Variants in CACNA1A observed in about 807,000 individuals in gnomAD.
The protein encoded by CACNA1A is calcium voltage-gated channel subunit alpha1 A.
In CACNA1A, 57 loss-of-function variants were observed where a neutral mutation model predicts 262.4. That is an observed-to-expected ratio of 0.22 (90% CI 0.18 to 0.27). CACNA1A has a LOEUF of 0.27. CACNA1A is among the 10% of genes least tolerant of loss of function. The pLI is 1.00. For synonymous variants in CACNA1A, 1,431 were observed against 1,419.3 expected, an observed-to-expected ratio of 1.01 and a Z score of -0.18; for missense variants, 2,526 against 3,562.8, an observed-to-expected ratio of 0.71 and a Z score of 7.41.
intron 10 of CACNA1A, 71 bp downstream of exon 10, chr19:13,330,173 G>GC: frequency 8.9e-7 from 1 of 1,117,620 alleles, no homozygotes; most frequent in Non-Finnish European, 1.3e-6. Context: ...CAAGCCCTCT[G>GC]CCCCCACCCC....
At chr19:13,395,738 A>G (rs1241570681) in intron 3 of CACNA1A, among the ~76,000 whole-genome samples, 1 of 151,700 alleles carries the variant, frequency 6.6e-6, no homozygotes, top group Non-Finnish European at 1.5e-5. Flanking sequence ...AGAGACCAAG[A>G]AGAATCAAGA....
At chr19:13,265,584 G>A (rs1250483418) in intron 24 of CACNA1A, among the ~76,000 whole-genome samples, 1 of 152,176 alleles carries the variant, frequency 6.6e-6, no homozygotes, top group African/African-American at 2.4e-5. Flanking sequence ...GACAGTCACT[G>A]AGATAATTTT....
intron 24 of CACNA1A, among the ~76,000 whole-genome samples, chr19:13,269,074 G>T: frequency 6.6e-6 from 1 of 152,002 alleles, no homozygotes; most frequent in African/African-American, 2.4e-5. Flanking sequence ...ATAGCTTACC[G>T]CAGCCTTGAA....
intron 34 of CACNA1A, among the ~76,000 whole-genome samples, chr19:13,234,545 C>G (rs2144644140): frequency 6.6e-6 from 1 of 152,088 alleles, no homozygotes; most frequent in South Asian, 2.1e-4. Flanking sequence ...AGAGATAATG[C>G]CTGGAAAATG....
intron 3 of CACNA1A, among the ~76,000 whole-genome samples, chr19:13,399,199 GTAT>G (rs887408170): frequency 9.2e-5 from 14 of 152,166 alleles, no homozygotes; most frequent in African/African-American, 2.4e-4. Flanking sequence ...CTTTTTTCAA[GTAT>G]TATTATTATC....
In CACNA1A at chr19:13,299,281, C is replaced by G. The variant is rs2144958118; in HGVS notation, c.2352G>C (p.Gln784His). 1 of 1,604,542 alleles carries G rather than the reference C, an allele frequency of 6.2e-7. No individual in the cohort carries two copies. The highest frequency in any genetic ancestry group is 8.5e-7 in the Non-Finnish European group (1 of 1,179,858). Reference sequence around the variant, plus strand: ...GGGCCTCCCGGCTGGCCAGCAAGTTCTGCTTTCGCATCTCACTGGTCCGCT... The same window carrying G: ...GGGCCTCCCGGCTGGCCAGCAAGTTGTGCTTTCGCATCTCACTGGTCCGCT... ...WEQRTSEMRK[Q>H]NLLASREALY... Residue 784 changes from glutamine to histidine, a missense_variant, in exon 19 of 47, where the codon CAG (glutamine) becomes CAC (histidine). Physicochemically the swap from Gln to His is conservative, Grantham distance 24 (BLOSUM62 0). This residue lies in a region of CACNA1A where 765 missense variants were observed against 748.6 expected (regional missense o/e 1.02). Transcript: ENST00000360228.
At chr19:13,211,884 C>G (rs1180542355) in intron 43 of CACNA1A, 5 of 536,478 alleles carry the variant, frequency 9.3e-6, no homozygotes, top group African/African-American at 5.7e-5. Flanking sequence ...AGGGGGAGCA[C>G]TTTCCTCTCT....
chr19:13,269,285 T>C (rs1449332800), intron 24 of CACNA1A, among the ~76,000 whole-genome samples: 1 of 152,232 alleles, frequency 6.6e-6, no homozygotes, highest in Non-Finnish European at 1.5e-5. Context: ...AGCACCATTA[T>C]GACCATTTTC....
rs1257233383 is a variant in CACNA1A at position 13,308,345 on chromosome 19, T to C, written c.1781+71A>G. 6 of 1,550,670 alleles carry C rather than the reference T, an allele frequency of 3.9e-6. No homozygotes were observed. The highest frequency in any genetic ancestry group is 5.3e-6 in the Non-Finnish European group (6 of 1,142,638). On this transcript the variant is annotated intron_variant, in intron 13 of 46. Transcript: ENST00000360228. This position sits in a 1 kb window ranked among gnomAD's most constrained non-coding sequence, Gnocchi z 4.2. ...AACACGAGGCTCACTTTCCCAACTTTCTGGAGGCGGCCCCACCATGTCCCC... is the reference window on the plus strand; with the variant it reads ...AACACGAGGCTCACTTTCCCAACTTCCTGGAGGCGGCCCCACCATGTCCCC...
At chr19:13,382,586 G>C (rs1283183205) in intron 3 of CACNA1A, among the ~76,000 whole-genome samples, 1 of 152,194 alleles carries the variant, frequency 6.6e-6, no homozygotes, top group Non-Finnish European at 1.5e-5. Flanking sequence ...GCTGGGTCTT[G>C]TCCTGTGGAC....
chr19:13,491,995 C>G (rs908605103), intron 1 of CACNA1A, among the ~76,000 whole-genome samples: 1 of 152,140 alleles, frequency 6.6e-6, no homozygotes, highest in Non-Finnish European at 1.5e-5. Context: ...TGCTGCTTTC[C>G]TCACAACCAC....
intron 6 of CACNA1A, among the ~76,000 whole-genome samples, chr19:13,357,627 T>C (rs1394368240): frequency 2.6e-5 from 4 of 152,174 alleles, no homozygotes; most frequent in Middle Eastern, 3.2e-3. Context: ...ACTGCTTACC[T>C]GCATAGTAGG....
intron 3 of CACNA1A, among the ~76,000 whole-genome samples, chr19:13,403,031 T>C (rs1357655227): frequency 6.6e-6 from 1 of 151,138 alleles, no homozygotes; most frequent in African/African-American, 2.4e-5. Flanking sequence ...CTGACCACCC[T>C]ATTCAATGCT....
At chr19:13,467,584 G>A (rs1168375182) in intron 1 of CACNA1A, among the ~76,000 whole-genome samples, 1 of 151,408 alleles carries the variant, frequency 6.6e-6, no homozygotes, top group East Asian at 2.0e-4. Context: ...TGTCAGAGGG[G>A]ATGCACACTG....
chr19:13,212,855 C>T lies in CACNA1A; in HGVS notation c.5941-115G>A. ...ACACACACACACACACACACTCTCT[C>T]AGGTCTCATCCATCTAGACCCTTCC... On this transcript the variant is annotated intron_variant, in intron 40 of 46. Transcript: ENST00000360228. This position sits in a 1 kb window ranked among gnomAD's most constrained non-coding sequence, Gnocchi z 5.6. 1.8e-6 allele frequency: 1 copy of T among 555,730 alleles called. No homozygotes were observed. The highest frequency in any genetic ancestry group is 3.1e-6 in the Non-Finnish European group (1 of 317,842). 34.4% of individuals were successfully genotyped at this position (555,730 alleles called of 1,614,324 possible). A position where few individuals can be genotyped will look rare whatever the true frequency, so the allele number is the denominator to read the frequency against.
chr19:13,412,988 C>T (rs914390462), intron 3 of CACNA1A, among the ~76,000 whole-genome samples: 1 of 151,996 alleles, frequency 6.6e-6, no homozygotes, highest in Non-Finnish European at 1.5e-5. Flanking sequence ...TGGGGGCTCA[C>T]GCCTGTAATC....
chr19:13,439,950 A>G (rs2060686339), intron 3 of CACNA1A, among the ~76,000 whole-genome samples: 1 of 152,012 alleles, frequency 6.6e-6, no homozygotes, highest in African/African-American at 2.4e-5. Context: ...TGACTGGTTG[A>G]GTTTTTTATT....
intron 1 of CACNA1A, among the ~76,000 whole-genome samples, chr19:13,496,869 A>C (rs2145151651): frequency 6.6e-6 from 1 of 152,282 alleles, no homozygotes; most frequent in African/African-American, 2.4e-5. Flanking sequence ...TCTAAACATC[A>C]GATGTATTAA....
At chr19:13,225,455 A>G (rs1232629779) in intron 37 of CACNA1A, 1 of 152,290 alleles carries the variant, frequency 6.6e-6, no homozygotes, top group African/African-American at 2.4e-5. Flanking sequence ...CTCTCTGTGC[A>G]ATGGCAGGGG....
Sources: allele counts gnomAD v4.1 joint callset (sites outside exome capture counted in the v4.1 genomes callset), GRCh38; gene constraint gnomAD v4.1.1; regional missense constraint gnomAD v4.1.1; non-coding constraint Gnocchi (gnomAD v3.1); transcripts MANE v1.5; gene names NCBI Gene and HGNC (gene_info 2026-07-23, HGNC 2026-07-21).